Variants in PCSK5 observed in about 807,000 individuals in gnomAD.
PCSK5 encodes prohormone convertase 5.
Under a neutral mutation model 233.2 loss-of-function variants are expected in PCSK5, and 129 were observed. The observed-to-expected ratio is 0.55, with a 90% CI of 0.48 to 0.64. The LOEUF is 0.64. Among genes scored for constraint, PCSK5 ranks in the 30% least tolerant of loss-of-function variants. The pLI is 0.00. For missense variants in PCSK5, 2,076 were observed against 2,430.1 expected (o/e 0.85, Z 3.06); for synonymous variants, 825 against 879.2 (o/e 0.94, Z 1.09).
At chr9:76,132,361 C>T (rs1413389515) in intron 9 of PCSK5, among the ~76,000 whole-genome samples, 1 of 152,020 alleles carries the variant, frequency 6.6e-6, no homozygotes, top group East Asian at 1.9e-4. Flanking sequence ...GTGCTGTATC[C>T]TAAGAAAACA....
intron 10 of PCSK5, among the ~76,000 whole-genome samples, chr9:76,148,986 C>G (rs956803892): frequency 6.6e-6 from 1 of 152,196 alleles, no homozygotes; most frequent in Non-Finnish European, 1.5e-5. Context: ...ATTACCTTCT[C>G]TCCATGAATC....
At chr9:75,960,461 C>T (rs760659240) in intron 2 of PCSK5, among the ~76,000 whole-genome samples, 1 of 151,884 alleles carries the variant, frequency 6.6e-6, no homozygotes, top group Non-Finnish European at 1.5e-5. Context: ...AAGAGAGAGA[C>T]TATCAGAGAA....
chr9:75,992,142 C>T (rs1459205322), intron 3 of PCSK5, among the ~76,000 whole-genome samples: 1 of 152,152 alleles, frequency 6.6e-6, no homozygotes, highest in Non-Finnish European at 1.5e-5. Flanking sequence ...TACCCCCAAA[C>T]TAAGGAATGG....
At chr9:75,994,612 C>T (rs1005435070) in intron 3 of PCSK5, among the ~76,000 whole-genome samples, 4 of 151,586 alleles carry the variant, frequency 2.6e-5, no homozygotes, top group African/African-American at 7.3e-5. Flanking sequence ...TTAGTAGAGA[C>T]GGGGTGTCAC....
chr9:76,071,247 A>G (rs1312674909), intron 6 of PCSK5, among the ~76,000 whole-genome samples: 1 of 152,234 alleles, frequency 6.6e-6, no homozygotes, highest in Non-Finnish European at 1.5e-5. Context: ...AGTTCACATC[A>G]ATCTTATGAT....
chr9:76,249,803 A>G (rs1382243535), intron 24 of PCSK5, among the ~76,000 whole-genome samples: 1 of 152,350 alleles, frequency 6.6e-6, no homozygotes, highest in East Asian at 1.9e-4. Context: ...AAAGGGACAC[A>G]AGAGCCAACT....
chr9:76,062,852 T>C (rs1805066861), intron 5 of PCSK5, among the ~76,000 whole-genome samples: 2 of 152,320 alleles, frequency 1.3e-5, no homozygotes, highest in Middle Eastern at 6.8e-3. Context: ...TAAGCTATTA[T>C]TAACTATTAT....
chr9:75,969,768 A>G (rs1236054508), intron 2 of PCSK5, among the ~76,000 whole-genome samples: 6 of 151,954 alleles, frequency 3.9e-5, no homozygotes, highest in African/African-American at 1.5e-4. Flanking sequence ...AGATTCATTG[A>G]TCTTCACTGT....
chr9:76,326,140 G>A (rs1050850467), intron 32 of PCSK5, among the ~76,000 whole-genome samples: 3 of 152,184 alleles, frequency 2.0e-5, no homozygotes, highest in African/African-American at 4.8e-5. Context: ...CACTTTGGGA[G>A]GCCAAGGCAG....
intron 20 of PCSK5, among the ~76,000 whole-genome samples, chr9:76,219,357 G>A (rs1825647527): frequency 6.6e-6 from 1 of 152,052 alleles, no homozygotes; most frequent in Non-Finnish European, 1.5e-5. Context: ...TATTTTCAAG[G>A]GGTTTAAAAG....
At chr9:76,036,618 G>A (rs1317332664) in intron 5 of PCSK5, among the ~76,000 whole-genome samples, 1 of 152,182 alleles carries the variant, frequency 6.6e-6, no homozygotes, top group African/African-American at 2.4e-5. Context: ...CTCTATTTGA[G>A]TGCAATGTAA....
chr9:76,302,791 G>T (rs916803589), intron 28 of PCSK5, among the ~76,000 whole-genome samples: 1 of 152,088 alleles, frequency 6.6e-6, no homozygotes, highest in Non-Finnish European at 1.5e-5. Flanking sequence ...GGGTGGAGAA[G>T]GGATTGGGAG....
chr9:76,255,961 T>C (rs988630297), intron 24 of PCSK5, among the ~76,000 whole-genome samples: 3 of 152,218 alleles, frequency 2.0e-5, no homozygotes, highest in Non-Finnish European at 4.4e-5. Flanking sequence ...CTTAGGACTG[T>C]CTGGCTCCAA....
At chr9:76,195,467 T>A (rs552816448) in intron 20 of PCSK5, 1 of 152,214 alleles carries the variant, frequency 6.6e-6, no homozygotes, top group Non-Finnish European at 1.5e-5. Context: ...CCACTGACCA[T>A]GCAGGTGCAC....
At chr9:76,285,321 C>T (rs1264415944) in intron 24 of PCSK5, among the ~76,000 whole-genome samples, 1 of 152,130 alleles carries the variant, frequency 6.6e-6, no homozygotes, top group African/African-American at 2.4e-5. Context: ...TGCTAAACTA[C>T]AATCAAATGG....
At chr9:76,032,717 T>TCA (rs952928296) in intron 5 of PCSK5, among the ~76,000 whole-genome samples, 5 of 152,140 alleles carry the variant, frequency 3.3e-5, no homozygotes, top group Non-Finnish European at 7.4e-5. Context: ...AGAAAATGCC[T>TCA]CCCTGCAAAT....
At chr9:75,932,257 G>A in intron 1 of PCSK5, 122 bp from the exon 2 acceptor site, 1 of 636,660 alleles carries the variant, frequency 1.6e-6, no homozygotes, top group African/African-American at 1.8e-5. Context: ...GCCAGCAGCT[G>A]CATAATTTAT....
chr9:76,284,747 G>T (rs1331442135), intron 24 of PCSK5, among the ~76,000 whole-genome samples: 12 of 151,858 alleles, frequency 7.9e-5, no homozygotes, highest in Admixed American at 7.9e-4. Flanking sequence ...GGTCAGGTTG[G>T]TCTCAAACTC....
intron 24 of PCSK5, chr9:76,287,751 G>A (rs181178407): frequency 3.6e-5 from 6 of 167,262 alleles, no homozygotes; most frequent in Non-Finnish European, 6.6e-5. Flanking sequence ...GAGCCACCGC[G>A]CCCGGCCAGC....
Sources: allele counts gnomAD v4.1 joint callset (sites outside exome capture counted in the v4.1 genomes callset), GRCh38; gene constraint gnomAD v4.1.1; transcripts MANE v1.5; gene names NCBI Gene and HGNC (gene_info 2026-07-23, HGNC 2026-07-21).